Variants in HK2 observed in about 807,000 individuals in gnomAD.
HK2 encodes the protein hexokinase-2.
In HK2, 42 loss-of-function variants were observed where a neutral mutation model predicts 92.9. The ratio of observed to expected loss-of-function variants is 0.45; its 90% CI spans 0.35 to 0.58. The LOEUF (loss-of-function observed/expected upper bound fraction) is 0.58. Ranked by LOEUF, HK2 falls within the 20% of genes least tolerant of loss-of-function variation. HK2 has a pLI of 0.00. For missense variants in HK2, 978 were observed against 1,245.1 expected, an observed-to-expected ratio of 0.79 and a Z score of 3.23; for synonymous variants, 422 against 468.0, an observed-to-expected ratio of 0.90 and a Z score of 1.27.
chr2:74,884,756 G>A (rs1689480124), intron 12 of HK2, among the ~76,000 whole-genome samples: 1 of 152,198 alleles, frequency 6.6e-6, no homozygotes, highest in Non-Finnish European at 1.5e-5. Context: ...TTGTTTCCTG[G>A]TGGGCTGTGG....
At chr2:74,838,528 A>T (rs1041015096) in intron 1 of HK2, among the ~76,000 whole-genome samples, 30 of 147,716 alleles carry the variant, frequency 2.0e-4, no homozygotes, top group Admixed American at 5.4e-4. Flanking sequence ...GAGATGGAAG[A>T]TTCTTTCTAT....
In HK2 at chr2:74,867,659, G is replaced by A; in HGVS notation, c.250G>A (p.Asp84Asn). 1 of 1,613,742 alleles carries A rather than the reference G, an allele frequency of 6.2e-7. No homozygotes were observed. Among genetic ancestry groups the A allele is most frequent in the South Asian group, 1.1e-5 (1 of 91,044 alleles). The change falls in exon 3 of 18, where the codon GAT becomes AAT. Residue 84 changes from aspartate to asparagine, a missense_variant. Coordinates refer to ENST00000290573, the MANE Select transcript of HK2 (RefSeq NM_000189.5). ...GTEHGEFLAL[D>N]LGGTNFRVLW... ...AGAACACGGAGAGTTCCTGGCTCTG[G>A]ATCTTGGAGGGACCAACTTCCGTGT...
Position 74,891,087 on chromosome 2 carries a change from C to A in HK2, c.*146C>A. On this transcript the variant is annotated 3_prime_UTR_variant, in exon 18 of 18. Transcript: ENST00000290573. The stretch of plus-strand genomic sequence containing the variant: ...ACTGGACTGGGTTTTGTCTCTGCAT[C>A]TCATTGTAGAGCTTGGTGGCTGAGC... 1.1e-6 allele frequency: 1 copy of A among 881,274 alleles called. No homozygotes were observed. The highest frequency in any genetic ancestry group is 1.8e-6 in the Non-Finnish European group (1 of 563,104). 54.6% of individuals were successfully genotyped at this position (881,274 alleles called of 1,614,324 possible). A position where few individuals can be genotyped will look rare whatever the true frequency, so the allele number is the denominator to read the frequency against.
In HK2 at chr2:74,889,368, C is replaced by T; in HGVS notation, c.2499C>T (p.Leu833=). 6.2e-7 allele frequency: 1 copy of T among 1,614,204 alleles called. No homozygotes were observed. Among genetic ancestry groups the T allele is most frequent in the African/African-American group, 1.3e-5 (1 of 75,052 alleles). Residue 833 remains leucine, a synonymous_variant, in exon 17 of 18, where the codon CTC becomes CTT. Transcript: ENST00000290573. The part of the protein sequence containing the change: ...CTVVARRAAQ[L]CGAGMAAVVD... ...TGGTGGCCCGGCGGGCAGCCCAGCT[C>T]TGTGGCGCAGGCATGGCCGCTGTGG...
chr2:74,863,632 G>A lies in HK2; in HGVS notation c.227-4004G>A, dbSNP rs146878647. ...TTAGGACTTGGAGATGTATCTTTTC[G>A]GTCCTCGTTTCATTTGGAGTATATG... On this transcript the variant is annotated intron_variant, in intron 2 of 17. Coordinates refer to ENST00000290573, the MANE Select transcript of HK2 (RefSeq NM_000189.5). 4.9e-4 allele frequency among the ~76,000 whole-genome samples: 74 copies of A among 152,160 alleles called. No homozygotes were observed. The East Asian group carries it at 0.012, about 25-fold the overall frequency.
At chr2:74,860,242 A>ATG (rs967851734) in intron 2 of HK2, among the ~76,000 whole-genome samples, 15 of 152,060 alleles carry the variant, frequency 9.9e-5, no homozygotes, top group Non-Finnish European at 2.2e-4. Context: ...TACTTAACGG[A>ATG]TGTAGTGGGT....
At chr2:74,868,901 G>C (rs3821306) in intron 3 of HK2, among the ~76,000 whole-genome samples, 10,396 of 152,214 alleles carry the variant, frequency 0.068, 556 homozygotes, top group East Asian at 0.2. Context: ...ACATGCAGGG[G>C]CCAGGCACCT....
At chr2:74,870,326 T>C (rs1689066816) in intron 3 of HK2, among the ~76,000 whole-genome samples, 1 of 152,004 alleles carries the variant, frequency 6.6e-6, no homozygotes, top group Non-Finnish European at 1.5e-5. Context: ...AAAATTCTAA[T>C]TAATTGACAT....
intron 8 of HK2, 138 bp from the exon 9 acceptor site, chr2:74,878,550 C>G: frequency 1.3e-6 from 1 of 747,734 alleles, no homozygotes; most frequent in South Asian, 1.5e-5. Flanking sequence ...CACAGGTGGA[C>G]TAAGCAATGA....
rs775257132 is a variant in HK2 at position 74,873,346 on chromosome 2, T to A, written c.566T>A (p.Ile189Asn). Residue 189 changes from isoleucine (I) to asparagine (N), a missense_variant, in exon 5 of 18, where the codon ATC (isoleucine) becomes AAC (asparagine). Coordinates refer to ENST00000290573, the MANE Select transcript of HK2 (RefSeq NM_000189.5). Reference protein sequence around the residue: ...GVEGRDVVALIRKAIQRRGDF... With the variant: ...GVEGRDVVALNRKAIQRRGDF... The stretch of plus-strand genomic sequence containing the variant: ...GAAGGCAGAGACGTTGTGGCTCTGA[T>A]CCGGAAGGCCATCCAGAGGAGAGGG... The A allele has an allele frequency of 1.1e-5, 17 of 1,613,726 alleles. No individual in the cohort carries two copies. The highest frequency in any genetic ancestry group is 1.4e-5 in the Non-Finnish European group (17 of 1,179,758).
intron 2 of HK2, among the ~76,000 whole-genome samples, chr2:74,859,895 C>CAAT (rs1214498373): frequency 6.6e-6 from 1 of 152,094 alleles, no homozygotes; most frequent in African/African-American, 2.4e-5. Flanking sequence ...GCACCATTCA[C>CAAT]AATAGCAAAG....
intron 2 of HK2, among the ~76,000 whole-genome samples, chr2:74,856,351 G>A (rs534846933): frequency 2.0e-5 from 3 of 152,288 alleles, no homozygotes; most frequent in Non-Finnish European, 4.4e-5. Flanking sequence ...CTGAGGGTAT[G>A]ACCTTGCTTA....
intron 9 of HK2, 116 bp from the exon 10 acceptor site, chr2:74,880,149 C>T (rs939439187): frequency 1.8e-6 from 2 of 1,084,258 alleles, no homozygotes; most frequent in South Asian, 1.3e-5. Context: ...GGGCAGCACC[C>T]ACTCCTGCAG....
chr2:74,867,941 C>T, intron 3 of HK2, 157 bp downstream of exon 3: 2 of 825,118 alleles, frequency 2.4e-6, no homozygotes, highest in Non-Finnish European at 4.2e-6. Context: ...TCAGCCGGAG[C>T]TCAGGCTGTT....
In HK2 at chr2:74,887,947, G is replaced by T; in HGVS notation, c.2264G>T (p.Arg755Leu). Residue 755 changes from arginine (R) to leucine (L), a missense_variant, in exon 16 of 18, where the codon CGT becomes CTT. By Grantham distance (102) the Arg-to-Leu change is moderately radical. This residue lies in a region of HK2 where 742 missense variants were observed against 922.5 expected (regional missense o/e 0.80). Transcript: ENST00000290573. ...ISGMYLGEIV[R>L]NILIDFTKRG... ...GGAATGTACCTGGGTGAGATTGTCC[G>T]TAACATTCTCATCGATTTCACCAAG... The T allele has an allele frequency of 6.2e-7, 1 of 1,613,730 alleles. No homozygotes were observed. The highest frequency in any genetic ancestry group is 8.5e-7 in the Non-Finnish European group (1 of 1,179,646).
chr2:74,886,243 G>T (rs1249513075), intron 13 of HK2, 51 bp from the exon 14 acceptor site: 1 of 1,290,590 alleles, frequency 7.7e-7, no homozygotes, highest in South Asian at 1.2e-5. Flanking sequence ...TGTCTGAAAG[G>T]AGAATATTGG....
In HK2 at chr2:74,892,250, T is replaced by A. The variant is rs1689699313; in HGVS notation, c.*1309T>A. ...AGGAAGTCACCAAAATTTCTTTTTT[T>A]AAATTGTATCTAATCCTCAACAACA... On this transcript the variant is annotated 3_prime_UTR_variant, in exon 18 of 18. Transcript: ENST00000290573. 6.6e-6 allele frequency: 1 copy of A among 152,240 alleles called. No individual in the cohort carries two copies. The highest frequency in any genetic ancestry group is 2.1e-4 in the South Asian group (1 of 4,834). 9.4% of individuals were successfully genotyped at this position (152,240 alleles called of 1,614,324 possible). A position where few individuals can be genotyped will look rare whatever the true frequency, so the allele number is the denominator to read the frequency against.
chr2:74,853,098 TC>T (rs1328526197), intron 1 of HK2, among the ~76,000 whole-genome samples: 2 of 151,982 alleles, frequency 1.3e-5, no homozygotes, highest in African/African-American at 4.8e-5. Flanking sequence ...TGGTAGCAGA[TC>T]GTCAGGGCAT....
chr2:74,835,625 C>T (rs1344705371), intron 1 of HK2, among the ~76,000 whole-genome samples: 5 of 151,610 alleles, frequency 3.3e-5, no homozygotes, highest in East Asian at 1.9e-4. Context: ...GGGGCCGGGG[C>T]CGGGGACGGG....
Sources: allele counts gnomAD v4.1 joint callset (sites outside exome capture counted in the v4.1 genomes callset), GRCh38; gene constraint gnomAD v4.1.1; regional missense constraint gnomAD v4.1.1; transcripts MANE v1.5; gene names NCBI Gene and HGNC (gene_info 2026-07-23, HGNC 2026-07-21).